Variants in ARHGAP24 observed in about 807,000 individuals in gnomAD.
ARHGAP24 encodes the protein rho GTPase-activating protein 24.
Under a neutral mutation model 76.4 loss-of-function variants are expected in ARHGAP24, and 50 were observed. That is an observed-to-expected ratio of 0.65 (90% CI 0.52 to 0.83). The LOEUF (loss-of-function observed/expected upper bound fraction) is 0.83. Ranked by LOEUF, ARHGAP24 falls within the 40% of genes least tolerant of loss-of-function variation. ARHGAP24 has a pLI of 0.00. For synonymous variants in ARHGAP24, 345 were observed against 323.3 expected (o/e 1.07, Z -0.72); for missense variants, 930 against 914.2 (o/e 1.02, Z -0.22).
At chr4:85,725,664 C>G (rs1435942638) in intron 3 of ARHGAP24, among the ~76,000 whole-genome samples, 1 of 152,208 alleles carries the variant, frequency 6.6e-6, no homozygotes, top group African/African-American at 2.4e-5. Flanking sequence ...TTCAGGGTCT[C>G]TGGAATTAGA....
At chr4:85,563,611 T>C (rs1313122792) in intron 1 of ARHGAP24, among the ~76,000 whole-genome samples, 1 of 152,166 alleles carries the variant, frequency 6.6e-6, no homozygotes, top group Non-Finnish European at 1.5e-5. Flanking sequence ...CTTCAACATA[T>C]GAATTTGGAG....
At chr4:85,596,761 T>TA (rs1313320058) in intron 2 of ARHGAP24, among the ~76,000 whole-genome samples, 3 of 152,070 alleles carry the variant, frequency 2.0e-5, no homozygotes, top group Non-Finnish European at 2.9e-5. Context: ...CTAGGTGTTC[T>TA]AAAAAAAGAA....
At chr4:85,615,292 G>C (rs187060083) in intron 2 of ARHGAP24, among the ~76,000 whole-genome samples, 96 of 151,694 alleles carry the variant, frequency 6.3e-4, no homozygotes, top group Admixed American at 1.4e-3. Context: ...TACATATATT[G>C]TATTTATTTT....
intron 3 of ARHGAP24, among the ~76,000 whole-genome samples, chr4:85,916,511 A>G (rs1735409218): frequency 6.6e-6 from 1 of 152,172 alleles, no homozygotes; most frequent in South Asian, 2.1e-4. Context: ...TACTTAAAAA[A>G]ATAAATAAAT....
intron 2 of ARHGAP24, among the ~76,000 whole-genome samples, chr4:85,614,220 TAG>T (rs925386440): frequency 2.0e-5 from 3 of 152,162 alleles, no homozygotes; most frequent in Non-Finnish European, 2.9e-5. Context: ...TCTCCTGAAA[TAG>T]AGTGATAGAC....
intron 1 of ARHGAP24, among the ~76,000 whole-genome samples, chr4:85,537,361 T>C (rs1191582122): frequency 6.6e-6 from 1 of 152,130 alleles, no homozygotes; most frequent in African/African-American, 2.4e-5. Context: ...CCAACATTCT[T>C]TCTTTTCCTT....
chr4:85,895,001 C>CAAAAAAAAAAAAAAAAAAAAAAAAAAAAA (rs1222078793), intron 3 of ARHGAP24, among the ~76,000 whole-genome samples: 3 of 54,344 alleles, frequency 5.5e-5, no homozygotes, highest in Non-Finnish European at 9.2e-5. Context: ...AAACAAAAAG[C>CAAAAAAAAAAAAAAAAAAAAAAAAAAAAA]AAAAAAAAAA....
At chr4:85,730,621 C>A (rs1377009360) in intron 3 of ARHGAP24, among the ~76,000 whole-genome samples, 1 of 152,110 alleles carries the variant, frequency 6.6e-6, no homozygotes, top group East Asian at 1.9e-4. Flanking sequence ...GTTGCCCAGG[C>A]TGGTCTCAAA....
intron 2 of ARHGAP24, among the ~76,000 whole-genome samples, chr4:85,663,914 A>G (rs77521728): frequency 0.34 from 50,119 of 149,554 alleles, 9,264 homozygotes; most frequent in East Asian, 0.84. Flanking sequence ...TGCTGGATTC[A>G]GTTTGCCAGT....
At chr4:85,780,568 C>T (rs17010887) in intron 3 of ARHGAP24, among the ~76,000 whole-genome samples, 16,113 of 151,988 alleles carry the variant, frequency 0.11, 1,906 homozygotes, top group East Asian at 0.61. Flanking sequence ...CTGGTGTAGA[C>T]AGTTTGCATA....
intron 4 of ARHGAP24, among the ~76,000 whole-genome samples, chr4:85,938,724 AC>A (rs1736790141): frequency 6.6e-6 from 1 of 152,094 alleles, no homozygotes; most frequent in South Asian, 2.1e-4. Context: ...ATGCCCTAAA[AC>A]TTTTTTATAT....
At chr4:85,575,730 A>G (rs1420006514) in intron 2 of ARHGAP24, among the ~76,000 whole-genome samples, 1 of 152,202 alleles carries the variant, frequency 6.6e-6, no homozygotes, top group Non-Finnish European at 1.5e-5. Context: ...GAATCCAGTG[A>G]TAAATTTTCC....
At chr4:85,583,089 G>T (rs546387675) in intron 2 of ARHGAP24, among the ~76,000 whole-genome samples, 16 of 152,116 alleles carry the variant, frequency 1.1e-4, no homozygotes, top group Admixed American at 2.6e-4. Flanking sequence ...GAAAATTTTT[G>T]ATTTTTTCTA....
intron 2 of ARHGAP24, among the ~76,000 whole-genome samples, chr4:85,721,505 T>G (rs1344738004): frequency 6.6e-6 from 1 of 152,144 alleles, no homozygotes; most frequent in Non-Finnish European, 1.5e-5. Flanking sequence ...TAAGTCTACC[T>G]TGTTTTCACA....
chr4:85,482,455 C>T (rs1386571295), intron 1 of ARHGAP24, among the ~76,000 whole-genome samples: 1 of 152,012 alleles, frequency 6.6e-6, no homozygotes, highest in Non-Finnish European at 1.5e-5. Flanking sequence ...TGCCTGGAGA[C>T]AGGTAGAAGC....
chr4:85,518,233 A>AT (rs1370440570), intron 1 of ARHGAP24, among the ~76,000 whole-genome samples: 1 of 152,154 alleles, frequency 6.6e-6, no homozygotes, highest in African/African-American at 2.4e-5. Context: ...ATGAAAAAGA[A>AT]TTGGTGCTTA....
intron 2 of ARHGAP24, among the ~76,000 whole-genome samples, chr4:85,572,315 G>C (rs531333751): frequency 1.3e-5 from 2 of 152,276 alleles, no homozygotes; most frequent in East Asian, 3.9e-4. Context: ...GAGGAACACA[G>C]TGAATACTAT....
At chr4:85,606,252 G>A (rs371050007) in intron 2 of ARHGAP24, among the ~76,000 whole-genome samples, 5 of 152,250 alleles carry the variant, frequency 3.3e-5, no homozygotes, top group South Asian at 2.1e-4. Context: ...GGTGGCTCAC[G>A]CCTGTAATCC....
intron 1 of ARHGAP24, 93 bp from the exon 2 acceptor site, chr4:85,570,429 C>G: frequency 1.7e-6 from 1 of 589,630 alleles, no homozygotes. Context: ...CTCTCTCTCT[C>G]TCTTTTTTTT....
Sources: allele counts gnomAD v4.1 joint callset (sites outside exome capture counted in the v4.1 genomes callset), GRCh38; gene constraint gnomAD v4.1.1; transcripts MANE v1.5; gene names NCBI Gene and HGNC (gene_info 2026-07-23, HGNC 2026-07-21).